Variants in ABLIM1 observed in about 807,000 individuals in gnomAD.
ABLIM1 encodes the protein actin-binding LIM protein 1.
ABLIM1 carries 40 observed loss-of-function variants against 107.0 expected under a neutral mutation model. The observed-to-expected ratio is 0.37, with a 90% confidence interval of 0.29 to 0.49. ABLIM1 has a LOEUF of 0.49. Among genes scored for constraint, ABLIM1 ranks in the 20% least tolerant of loss-of-function variants. ABLIM1 has a pLI of 0.97. For synonymous variants in ABLIM1, 357 were observed against 357.3 expected (o/e 1.00, Z 0.01); for missense variants, 857 against 1,008.5 (o/e 0.85, Z 2.04).
At chr10:114,648,644 A>G (rs1393130347) in intron 1 of ABLIM1, among the ~76,000 whole-genome samples, 1 of 152,230 alleles carries the variant, frequency 6.6e-6, no homozygotes, top group Non-Finnish European at 1.5e-5. Context: ...TAAAATGCAC[A>G]GGCTCGTAAA....
intron 20 of ABLIM1, chr10:114,439,515 T>C (rs1359304728): frequency 9.1e-6 from 5 of 549,668 alleles, no homozygotes; most frequent in Non-Finnish European, 1.6e-5. Context: ...TGAAAGCATA[T>C]AGTACATTTA....
chr10:114,588,487 C>CTTTTTTTTTTTT (rs34043960), intron 2 of ABLIM1, among the ~76,000 whole-genome samples: 24 of 76,540 alleles, frequency 3.1e-4, no homozygotes, highest in East Asian at 4.4e-4. Flanking sequence ...TTCTTTCTTT[C>CTTTTTTTTTTTT]TTTTTTTTTT....
At chr10:114,559,741 G>C (rs2138238399) in intron 4 of ABLIM1, among the ~76,000 whole-genome samples, 1 of 152,336 alleles carries the variant, frequency 6.6e-6, no homozygotes, top group African/African-American at 2.4e-5. Context: ...CAGGGAGACA[G>C]AAGTAACATG....
intron 1 of ABLIM1, among the ~76,000 whole-genome samples, chr10:114,749,450 C>CACCACA (rs1555232340): frequency 2.1e-5 from 3 of 141,488 alleles, no homozygotes; most frequent in Admixed American, 7.1e-5. Context: ...AACACACACA[C>CACCACA]CACACACACA....
Position 114,547,663 on chromosome 10 carries a change from C to G in ABLIM1, c.787G>C (p.Glu263Gln), listed in dbSNP as rs777509508. The G allele has an allele frequency of 4.2e-5, 68 of 1,613,664 alleles. No individual in the cohort carries two copies. Among genetic ancestry groups the G allele is most frequent in the East Asian group, 2.4e-4 (11 of 44,898 alleles). ...CKSCGKVLTG[E>Q]YISKDGAPYC... ...GCCCAGCCTTACTTGCTGATGTACT[C>G]CCCGGTGAGGACCTTCCCGCAGGAC... The change falls in exon 5 of 23, where the codon GAG (glutamate) becomes CAG (glutamine). Residue 263 changes from glutamate to glutamine, a missense_variant. Transcript: ENST00000533213.
intron 8 of ABLIM1, among the ~76,000 whole-genome samples, chr10:114,480,233 C>A (rs2057128733): frequency 6.6e-6 from 1 of 152,102 alleles, no homozygotes; most frequent in South Asian, 2.1e-4. Flanking sequence ...ACAACAGTGA[C>A]CCAATAATTA....
chr10:114,792,304 G>A, the ABLIM1 span, among the ~76,000 whole-genome samples: 1 of 152,206 alleles, frequency 6.6e-6, no homozygotes, highest in Non-Finnish European at 1.5e-5. Context: ...CTGGGTGACA[G>A]AGCCAGACCC....
chr10:114,754,490 T>C (rs899259130), intron 1 of ABLIM1, among the ~76,000 whole-genome samples: 1 of 152,216 alleles, frequency 6.6e-6, no homozygotes, highest in East Asian at 1.9e-4. Context: ...TACAGTTCAG[T>C]GTGTTGGATG....
At chr10:114,496,274 T>G (rs1284429092) in intron 6 of ABLIM1, among the ~76,000 whole-genome samples, 1 of 152,154 alleles carries the variant, frequency 6.6e-6, no homozygotes, top group Admixed American at 6.5e-5. Flanking sequence ...TATAAATCAT[T>G]AGTAAAAACA....
intron 4 of ABLIM1, 138 bp downstream of exon 4, chr10:114,571,159 T>C (rs2071622655): frequency 2.8e-6 from 2 of 712,264 alleles, no homozygotes; most frequent in African/African-American, 1.8e-5. Flanking sequence ...TTTAATGTCA[T>C]CTTTGGAGAA....
intron 1 of ABLIM1, among the ~76,000 whole-genome samples, chr10:114,735,032 C>A (rs1411353863): frequency 1.3e-5 from 2 of 152,078 alleles, no homozygotes; most frequent in Non-Finnish European, 2.9e-5. Flanking sequence ...GCAAGTACAG[C>A]CTTGGAATTC....
chr10:114,573,041 C>A (rs80171207), intron 3 of ABLIM1, among the ~76,000 whole-genome samples: 3,402 of 152,298 alleles, frequency 0.022, 110 homozygotes, highest in African/African-American at 0.069. Context: ...ATGGGACAAG[C>A]CAGAATCCAG....
intron 4 of ABLIM1, among the ~76,000 whole-genome samples, chr10:114,566,223 T>C (rs1046665653): frequency 6.6e-6 from 1 of 152,208 alleles, no homozygotes; most frequent in African/African-American, 2.4e-5. Context: ...TGTGTTTGTG[T>C]GGGTGTTCAT....
At chr10:114,488,901 T>A (rs1232752513) in intron 7 of ABLIM1, among the ~76,000 whole-genome samples, 1 of 152,206 alleles carries the variant, frequency 6.6e-6, no homozygotes, top group Non-Finnish European at 1.5e-5. Flanking sequence ...AGAACTTAAA[T>A]GAGCACTTAA....
chr10:114,543,762 C>T (rs1196108256), intron 6 of ABLIM1, among the ~76,000 whole-genome samples: 1 of 152,244 alleles, frequency 6.6e-6, no homozygotes, highest in Non-Finnish European at 1.5e-5. Flanking sequence ...CCAGCATCAT[C>T]TGTCACATCG....
chr10:114,669,002 C>T (rs1327299852), intron 1 of ABLIM1, among the ~76,000 whole-genome samples: 1 of 152,230 alleles, frequency 6.6e-6, no homozygotes, highest in Non-Finnish European at 1.5e-5. Context: ...TTCCTCATTT[C>T]TATGTCTGTT....
Position 114,611,159 on chromosome 10 carries a change from A to AG in ABLIM1, c.245-9199_245-9198insC, listed in dbSNP as rs2076782813. Among the ~76,000 whole-genome samples the AG allele has an allele frequency of 5.3e-5, 8 of 151,336 alleles. No homozygotes were observed. The South Asian group carries it at 1.7e-3, about 31-fold the overall frequency. ...AGAGCAAGACTCCATCTCAAAAAAA[A>AG]AAAAAAAATAGATACCCTGATACTT... On this transcript the variant is annotated intron_variant, in intron 1 of 22. Transcript: ENST00000533213.
Position 114,673,893 on chromosome 10 carries a change from C to A in ABLIM1, c.64+10397G>T, listed in dbSNP as rs543913195. ...TAGAGTGACTTAAAAAAATAAAAGA[C>A]TATTGAGAAGAGAGACATTAAGGGC... is the stretch of plus-strand genomic sequence containing the variant. On this transcript the variant is annotated intron_variant, in intron 1 of 23. Transcript: ENST00000369256. Among the ~76,000 whole-genome samples the A allele has an allele frequency of 1.3e-4, 19 of 151,944 alleles. No homozygotes were observed. The East Asian group carries it at 2.7e-3, about 22-fold the overall frequency.
chr10:114,456,856 G>T (rs1472547343), intron 12 of ABLIM1, among the ~76,000 whole-genome samples: 2 of 151,574 alleles, frequency 1.3e-5, no homozygotes, highest in Non-Finnish European at 2.9e-5. Context: ...CTGGCTGAAT[G>T]CTGTCACCAG....
Sources: allele counts gnomAD v4.1 joint callset (sites outside exome capture counted in the v4.1 genomes callset), GRCh38; gene constraint gnomAD v4.1.1; transcripts MANE v1.5; gene names NCBI Gene and HGNC (gene_info 2026-07-23, HGNC 2026-07-21).